SCAMP4: variants seen among roughly 807,000 people sequenced by gnomAD.
SCAMP4 encodes the protein secretory carrier membrane protein 4, also known as secretory carrier-associated membrane protein 4.
In SCAMP4, 19 loss-of-function variants were observed where a neutral mutation model predicts 32.1. The ratio of observed to expected loss-of-function variants is 0.59; its 90% CI spans 0.41 to 0.87. SCAMP4 has a LOEUF of 0.87. SCAMP4 is among the 40% of genes least tolerant of loss of function. The probability of loss-of-function intolerance (pLI) is 0.00; values close to 1 mark genes in which losing one functional copy is unlikely to be tolerated. For missense variants in SCAMP4, 302 were observed against 309.0 expected (o/e 0.98, Z 0.17); for synonymous variants, 152 against 132.7 (o/e 1.15, Z -1.00).
At chr19:1,912,944 C>A (rs757728126) in intron 1 of SCAMP4, 2 of 1,610,434 alleles carry the variant, frequency 1.2e-6, no homozygotes, top group Admixed American at 1.7e-5. Flanking sequence ...CTGGCTACGA[C>A]CTGTACGTGA....
chr19:1,917,677 G>T lies in SCAMP4; in HGVS notation c.8-17G>T, dbSNP rs1599250788. 3.7e-6 allele frequency: 6 copies of T among 1,613,718 alleles called. No homozygotes were observed. The highest frequency in any genetic ancestry group is 4.2e-6 in the Non-Finnish European group (5 of 1,179,810). ...AGACAAAGTCTGGTTCTGTCCGTGG[G>T]TTCTCTGTCCCTACAGAAAAGGAGA... On this transcript the variant is annotated splice_polypyrimidine_tract_variant and intron_variant, in intron 2 of 6. Coordinates refer to ENST00000316097, the MANE Select transcript of SCAMP4 (RefSeq NM_079834.4).
chr19:1,923,018 G>T, intron 5 of SCAMP4, 52 bp from the exon 6 acceptor site: 7 of 1,483,582 alleles, frequency 4.7e-6, no homozygotes, highest in Non-Finnish European at 6.3e-6. Flanking sequence ...CGGACCATGG[G>T]CCCTCATCCA....
At chr19:1,915,387 AG>A in intron 2 of SCAMP4, 1 of 340,362 alleles carries the variant, frequency 2.9e-6, no homozygotes, top group South Asian at 3.3e-5. Flanking sequence ...TAAGCCCCTG[AG>A]GACAGGGCCT....
At chr19:1,913,110 G>T (rs750059837) in intron 1 of SCAMP4, 1 of 1,591,860 alleles carries the variant, frequency 6.3e-7, no homozygotes. Context: ...GTTCCGCGGG[G>T]TGCTGGAGGA....
rs905653689 is a variant in SCAMP4, at chr19:1,914,650, G to A, written c.-41-329G>A. 13 of 412,926 alleles carry A rather than the reference G, an allele frequency of 3.1e-5. No individual in the cohort carries two copies. In the Admixed American group the frequency reaches 3.4e-4, roughly 11 times the overall value. The allele number at this position is 412,926 out of a possible 1,614,324, so 25.6% of individuals were successfully genotyped here. A position where few individuals can be genotyped will look rare whatever the true frequency, so the allele number is the denominator to read the frequency against. ...GGCCCTGCAGCGTTCACCTTGTGGC[G>A]CCCACCCCTTGTGGGCTGAAGCCGG... On this transcript the variant is annotated intron_variant, in intron 1 of 6. Transcript: ENST00000316097.
At chr19:1,922,781 C>T in intron 5 of SCAMP4, 1 of 1,083,006 alleles carries the variant, frequency 9.2e-7, no homozygotes, top group African/African-American at 1.7e-5. Flanking sequence ...ACGCACAGCC[C>T]ACTGCTGCGA....
intron 4 of SCAMP4, 61 bp downstream of exon 4, chr19:1,918,344 C>A: frequency 6.8e-7 from 1 of 1,467,720 alleles, no homozygotes; most frequent in Non-Finnish European, 9.1e-7. Flanking sequence ...CTCTGCACCC[C>A]AGTCCCAGCC....
intron 1 of SCAMP4, among the ~76,000 whole-genome samples, chr19:1,907,748 G>A (rs1270927597): frequency 1.3e-5 from 2 of 152,164 alleles, no homozygotes; most frequent in East Asian, 3.9e-4. Context: ...CCTCCTGAGG[G>A]GTCCCAGTGG....
intron 2 of SCAMP4, among the ~76,000 whole-genome samples, chr19:1,917,291 G>A (rs990874434): frequency 2.0e-5 from 3 of 152,098 alleles, no homozygotes; most frequent in South Asian, 2.1e-4. Context: ...GGGAGACAGC[G>A]CGAGACTCCG....
intron 1 of SCAMP4, chr19:1,913,153 C>G (rs1249800873): frequency 6.5e-7 from 1 of 1,535,776 alleles, no homozygotes. Context: ...GACACGTAGG[C>G]GCCGCCCTCC....
chr19:1,908,240 C>G lies in SCAMP4; in HGVS notation c.-42+2801C>G, dbSNP rs2145424543. 1 of 288,192 alleles carries G rather than the reference C, an allele frequency of 3.5e-6. No homozygotes were observed. Among genetic ancestry groups the G allele is most frequent in the African/African-American group, 2.3e-5 (1 of 43,304 alleles). The allele number at this position is 288,192 out of a possible 1,614,324, so 17.9% of individuals were successfully genotyped here. ...GCAGCGGCAGCACCTGGCGCTGCCTCCGCGCTTCCTGCTCCCGGCTCCCAC... is the reference window on the plus strand; with the variant it reads ...GCAGCGGCAGCACCTGGCGCTGCCTGCGCGCTTCCTGCTCCCGGCTCCCAC... On this transcript the variant is annotated intron_variant, in intron 1 of 6. Transcript: ENST00000316097. This position sits in a 1 kb window ranked among gnomAD's most constrained non-coding sequence, Gnocchi z 4.2.
rs141607700 is a variant in SCAMP4, at chr19:1,915,111, C to T, written c.7+85C>T. 2.3e-4 allele frequency: 349 copies of T among 1,537,722 alleles called. No individual in the cohort carries two copies. In the African/African-American group the frequency reaches 3.9e-3, roughly 17 times the overall value. On this transcript the variant is annotated intron_variant, in intron 2 of 6. Transcript: ENST00000316097. Reference sequence around the variant, plus strand: ...TCCCACAGGAGCCCTCGGTCCTGGCCGTTGGCAAACAGTGTCCTCCTGGCC... The same window carrying T: ...TCCCACAGGAGCCCTCGGTCCTGGCTGTTGGCAAACAGTGTCCTCCTGGCC...
chr19:1,921,997 G>C, intron 5 of SCAMP4: 5 of 985,488 alleles, frequency 5.1e-6, no homozygotes, highest in Non-Finnish European at 6.0e-6. Flanking sequence ...ACACATCCGG[G>C]GGTGTGGGTC....
At position 1,911,938 on chromosome 19, in the gene SCAMP4, C is replaced by T. The variant is rs1370572503; in HGVS notation, c.-41-3041C>T. ...GTAGCTCTGATGCGGTGACCTGGGC[C>T]GGAGCCCTCGGACTAGCCTCAGCTT... On this transcript the variant is annotated intron_variant, in intron 1 of 6. Coordinates refer to ENST00000316097, the MANE Select transcript of SCAMP4 (RefSeq NM_079834.4). The T allele has an allele frequency of 1.5e-5, 20 of 1,352,354 alleles. No homozygotes were observed. The East Asian group carries it at 2.9e-4, about 19-fold the overall frequency. The allele number at this position is 1,352,354 out of a possible 1,614,324, so 83.8% of individuals were successfully genotyped here.
chr19:1,918,012 A>C (rs537090406), intron 3 of SCAMP4, 115 bp from the exon 4 acceptor site: 29 of 1,416,002 alleles, frequency 2.0e-5, no homozygotes, highest in Non-Finnish European at 2.7e-5. Flanking sequence ...TTCATCCTCG[A>C]CATGGGGTCA....
At chr19:1,920,342 A>C (rs532389473) in intron 5 of SCAMP4, 1,880 of 954,022 alleles carry the variant, frequency 2.0e-3, no homozygotes, top group Non-Finnish European at 2.2e-3. Flanking sequence ...CGGTACTCTC[A>C]CGCCAGTGCA....
At chr19:1,922,804 A>G (rs1395069074) in intron 5 of SCAMP4, 4 of 1,148,950 alleles carry the variant, frequency 3.5e-6, no homozygotes, top group African/African-American at 1.6e-5. Context: ...GTGAAGGGAT[A>G]AGGTTGTGTT....
intron 1 of SCAMP4, chr19:1,913,376 C>T (rs901647817): frequency 1.5e-6 from 1 of 660,358 alleles, no homozygotes; most frequent in Non-Finnish European, 2.6e-6. Context: ...GCCGCCCTTG[C>T]TGCGTTTGTG....
chr19:1,920,780 C>A lies in SCAMP4; in HGVS notation c.395+1790C>A, dbSNP rs540225945. The stretch of plus-strand genomic sequence containing the variant: ...TGTGAGCCGCCTCCCCGGTGCGTCC[C>A]CAGCTCTCCCAGGCTGAGCTGGGTG... On this transcript the variant is annotated intron_variant, in intron 5 of 6. Coordinates refer to ENST00000316097, the MANE Select transcript of SCAMP4 (RefSeq NM_079834.4). The A allele has an allele frequency of 3.1e-5, 31 of 985,580 alleles. No homozygotes were observed. The South Asian group carries it at 9.9e-4, about 31-fold the overall frequency. 61.1% of individuals were successfully genotyped at this position (985,580 alleles called of 1,614,324 possible). A position where few individuals can be genotyped will look rare whatever the true frequency, so the allele number is the denominator to read the frequency against.
Sources: allele counts gnomAD v4.1 joint callset (sites outside exome capture counted in the v4.1 genomes callset), GRCh38; gene constraint gnomAD v4.1.1; non-coding constraint Gnocchi (gnomAD v3.1); transcripts MANE v1.5; gene names NCBI Gene and HGNC (gene_info 2026-07-23, HGNC 2026-07-21).